XIRP2: variants seen among roughly 807,000 people sequenced by gnomAD.
XIRP2 encodes xin actin-binding repeat-containing protein 2.
Under a neutral mutation model 277.0 loss-of-function variants are expected in XIRP2, and 236 were observed. The ratio of observed to expected loss-of-function variants is 0.85; its 90% confidence interval spans 0.77 to 0.95. XIRP2 has a LOEUF of 0.95. Among genes scored for constraint, XIRP2 ranks in the 40% least tolerant of loss-of-function variants. The pLI, the probability that XIRP2 is intolerant of heterozygous loss-of-function variation, is 0.00. For missense variants in XIRP2, 4,640 were observed against 4,157.5 expected (o/e 1.12, Z -3.19); for synonymous variants, 1,490 against 1,416.5 (o/e 1.05, Z -1.17).
intron 2 of XIRP2, among the ~76,000 whole-genome samples, chr2:167,125,721 T>C (rs569690673): frequency 4.4e-4 from 67 of 152,268 alleles, no homozygotes; most frequent in African/African-American, 1.5e-3. Context: ...ATAGGAAATA[T>C]GGTGAGTAAA....
In XIRP2 at chr2:167,250,868, T is replaced by G; in HGVS notation, c.9476T>G (p.Met3159Arg). 1 of 1,613,022 alleles carries G rather than the reference T, an allele frequency of 6.2e-7. No homozygotes were observed. The highest frequency in any genetic ancestry group is 1.7e-4 in the Middle Eastern group (1 of 6,054). The stretch of plus-strand genomic sequence containing the variant: ...GTTGAACCCCCACCAAGAAGGCCCA[T>G]GTCGCAAAAATCTGAAATTCACAGA... The part of the protein sequence containing the change: ...SYVEPPPRRP[M>R]SQKSEIHRAN... The change falls in exon 9 of 11, where the codon ATG (methionine) becomes AGG (arginine). Residue 3159 changes from methionine (M) to arginine (R), a missense_variant. Transcript: ENST00000409195.
chr2:167,243,582 A>G lies in XIRP2; in HGVS notation c.2190A>G (p.Lys730=), dbSNP rs527527836. 1.2e-6 allele frequency: 2 copies of G among 1,614,056 alleles called. No individual in the cohort carries two copies. Among genetic ancestry groups the G allele is most frequent in the Admixed American group, 3.3e-5 (2 of 60,014 alleles). Residue 730 remains lysine (K), a synonymous_variant, in exon 9 of 11, where the codon AAA becomes AAG. Transcript: ENST00000409195. ...SELKEIKGNV[K]RSIKCFETQP... is the part of the protein sequence containing the mutation. ...TCAAAGAAATTAAGGGAAATGTTAA[A>G]AGAAGTATAAAATGTTTCGAAACTC...
At chr2:166,958,840 A>G (rs1686233064) in intron 2 of XIRP2, among the ~76,000 whole-genome samples, 1 of 151,826 alleles carries the variant, frequency 6.6e-6, no homozygotes, top group African/African-American at 2.4e-5. Flanking sequence ...AATCTACATC[A>G]TAAATAAATA....
At chr2:167,203,372 CT>C (rs1693774173) in intron 3 of XIRP2, among the ~76,000 whole-genome samples, 1 of 152,152 alleles carries the variant, frequency 6.6e-6, no homozygotes, top group Non-Finnish European at 1.5e-5. Context: ...GAGAGATCTT[CT>C]TTTGTTAATG....
intron 1 of XIRP2, among the ~76,000 whole-genome samples, chr2:166,901,981 TGGATTTAACAGTTATTGGG>T (rs1321601220): frequency 6.6e-6 from 1 of 151,882 alleles, no homozygotes; most frequent in African/African-American, 2.4e-5. Context: ...GAGCTGGGAG[TGGATTTAACAGTTATTGGG>T]GTGTTGAATA....
chr2:167,193,623 A>G (rs1052592678), intron 3 of XIRP2, among the ~76,000 whole-genome samples: 4 of 152,154 alleles, frequency 2.6e-5, no homozygotes, highest in Admixed American at 2.0e-4. Flanking sequence ...CACACCTGAA[A>G]TCCCAGCACT....
chr2:167,136,412 AC>A (rs1211863956), intron 3 of XIRP2, among the ~76,000 whole-genome samples: 1 of 152,202 alleles, frequency 6.6e-6, no homozygotes, highest in African/African-American at 2.4e-5. Flanking sequence ...TCTGTGGGTA[AC>A]AAAAGAATAA....
intron 2 of XIRP2, among the ~76,000 whole-genome samples, chr2:167,022,120 G>A (rs1174308065): frequency 6.6e-6 from 1 of 152,080 alleles, no homozygotes; most frequent in Non-Finnish European, 1.5e-5. Context: ...CACAGTCACA[G>A]TTTTAATATA....
At chr2:167,144,015 A>C (rs1270772166) in intron 3 of XIRP2, among the ~76,000 whole-genome samples, 1 of 152,088 alleles carries the variant, frequency 6.6e-6, no homozygotes, top group Non-Finnish European at 1.5e-5. Context: ...TAGACATTTA[A>C]TATTAGAAAT....
chr2:167,242,558 C>T lies in XIRP2; in HGVS notation c.1177-11C>T. On this transcript the variant is annotated splice_polypyrimidine_tract_variant and intron_variant, in intron 8 of 10. Coordinates refer to ENST00000409195, the MANE Select transcript of XIRP2 (RefSeq NM_152381.6). ...TCACCTTTATAAGATTTGATTTTCTCTCCCCTAAAGACTGAAAGTGAATAT... is the reference window on the plus strand; with the variant it reads ...TCACCTTTATAAGATTTGATTTTCTTTCCCCTAAAGACTGAAAGTGAATAT... 1 of 1,594,322 alleles carries T rather than the reference C, an allele frequency of 6.3e-7. No homozygotes were observed. Among genetic ancestry groups the T allele is most frequent in the Non-Finnish European group, 8.5e-7 (1 of 1,169,730 alleles).
chr2:166,956,199 A>G (rs1686157639), intron 2 of XIRP2, among the ~76,000 whole-genome samples: 1 of 151,858 alleles, frequency 6.6e-6, no homozygotes, highest in Admixed American at 6.6e-5. Context: ...TGCGTCGATC[A>G]ATCACTGACA....
chr2:167,241,693 A>C, intron 7 of XIRP2, 84 bp from the exon 8 acceptor site: 1 of 1,448,752 alleles, frequency 6.9e-7, no homozygotes, highest in Non-Finnish European at 9.3e-7. Flanking sequence ...TACAGGAATG[A>C]GCCACCATGC....
chr2:167,162,766 G>A (rs1458435578), intron 3 of XIRP2, among the ~76,000 whole-genome samples: 1 of 152,018 alleles, frequency 6.6e-6, no homozygotes, highest in Non-Finnish European at 1.5e-5. Flanking sequence ...CATCTTTGTT[G>A]ACATCCAACC....
intron 2 of XIRP2, among the ~76,000 whole-genome samples, chr2:166,986,224 G>A (rs1687000844): frequency 6.6e-6 from 1 of 152,120 alleles, no homozygotes; most frequent in Admixed American, 6.5e-5. Context: ...GCAGAGTAGT[G>A]GAACATTCTA....
Position 166,928,945 on chromosome 2 carries a change from A to G in XIRP2, c.408+25055A>G, listed in dbSNP as rs1160445078. Among the ~76,000 whole-genome samples the G allele has an allele frequency of 2.0e-5, 3 of 152,180 alleles. No individual in the cohort carries two copies. The East Asian group carries it at 5.8e-4, about 30-fold the overall frequency. ...CATTATCTTACTACAGTTCCTTAGA[A>G]TTGCCACCATTCAGTGTAACAAAGA... On this transcript the variant is annotated intron_variant, in intron 2 of 10. Transcript: ENST00000409195.
chr2:167,154,140 T>G lies in XIRP2; in HGVS notation c.562+18078T>G, dbSNP rs1344621766. ...ATGGTATCTCATTGTGGTTTTGATT[T>G]GCATTTCTCTGATGGCCAGTGATGG... On this transcript the variant is annotated intron_variant, in intron 3 of 10. Coordinates refer to ENST00000409195, the MANE Select transcript of XIRP2 (RefSeq NM_152381.6). Among the ~76,000 whole-genome samples, 4 of 149,652 alleles carry G rather than the reference T, an allele frequency of 2.7e-5. 1 individual carries two copies. The highest frequency in any genetic ancestry group is 5.9e-5 in the Non-Finnish European group (4 of 67,348).
intron 5 of XIRP2, among the ~76,000 whole-genome samples, chr2:167,236,757 A>C (rs912314460): frequency 6.6e-6 from 1 of 152,050 alleles, no homozygotes; most frequent in Non-Finnish European, 1.5e-5. Flanking sequence ...TTTAAATTTA[A>C]TTTTCAGCAA....
chr2:167,234,982 T>C (rs966359885), intron 5 of XIRP2, among the ~76,000 whole-genome samples: 6 of 151,882 alleles, frequency 4.0e-5, no homozygotes, highest in Non-Finnish European at 7.4e-5. Flanking sequence ...GAAACGAGTT[T>C]GTTTAGCATC....
chr2:167,254,301 C>T (rs1027309671), intron 10 of XIRP2, 136 bp downstream of exon 10: 69 of 1,109,258 alleles, frequency 6.2e-5, no homozygotes, highest in Middle Eastern at 3.3e-4. Flanking sequence ...GGGAGATTTG[C>T]TCATGTTCTG....
Sources: allele counts gnomAD v4.1 joint callset (sites outside exome capture counted in the v4.1 genomes callset), GRCh38; gene constraint gnomAD v4.1.1; transcripts MANE v1.5; gene names NCBI Gene and HGNC (gene_info 2026-07-23, HGNC 2026-07-21).